Variants in RORA observed in about 807,000 individuals in gnomAD.
RORA encodes nuclear receptor ROR-alpha.
RORA carries 7 observed loss-of-function variants against 69.5 expected under a neutral mutation model. The ratio of observed to expected loss-of-function variants is 0.10; its 90% CI spans 0.06 to 0.19. The LOEUF (loss-of-function observed/expected upper bound fraction) is 0.19. Ranked by LOEUF, RORA falls within the 10% of genes least tolerant of loss-of-function variation. The pLI, the probability that RORA is intolerant of heterozygous loss-of-function variation, is 1.00. For missense variants in RORA, 457 were observed against 663.0 expected, an observed-to-expected ratio of 0.69 and a Z score of 3.41; for synonymous variants, 261 against 240.8, an observed-to-expected ratio of 1.08 and a Z score of -0.78.
At chr15:60,641,140 TG>T (rs1284415033) in intron 2 of RORA, among the ~76,000 whole-genome samples, 1 of 152,070 alleles carries the variant, frequency 6.6e-6, no homozygotes, top group African/African-American at 2.4e-5. Flanking sequence ...TTTGTAGAGA[TG>T]GGGTCTCGCC....
At chr15:60,600,678 C>T (rs891984039) in intron 2 of RORA, among the ~76,000 whole-genome samples, 2 of 152,068 alleles carry the variant, frequency 1.3e-5, no homozygotes, top group Admixed American at 6.6e-5. Flanking sequence ...AAATCTCTTC[C>T]TACATTTTGT....
chr15:60,691,616 G>A (rs904831450), intron 1 of RORA, among the ~76,000 whole-genome samples: 1 of 152,206 alleles, frequency 6.6e-6, no homozygotes, highest in Non-Finnish European at 1.5e-5. Context: ...AGAGAGGTTT[G>A]CACAGCTGAA....
At chr15:61,094,414 T>C (rs2078759248) in intron 1 of RORA, among the ~76,000 whole-genome samples, 1 of 152,132 alleles carries the variant, frequency 6.6e-6, no homozygotes, top group Non-Finnish European at 1.5e-5. Context: ...AGGTAGTAGG[T>C]ATCTCAGCTG....
At chr15:61,022,427 G>T (rs1266681134) in intron 1 of RORA, among the ~76,000 whole-genome samples, 1 of 152,148 alleles carries the variant, frequency 6.6e-6, no homozygotes, top group African/African-American at 2.4e-5. Flanking sequence ...TGTGTGTGTG[G>T]CTGCTGGGCT....
chr15:61,139,958 C>T (rs1319054895), intron 1 of RORA, among the ~76,000 whole-genome samples: 1 of 151,752 alleles, frequency 6.6e-6, no homozygotes, highest in East Asian at 1.9e-4. Context: ...TCCTCTCACA[C>T]CAGAAAAGTT....
chr15:60,772,407 C>CAT (rs34846010), intron 1 of RORA, among the ~76,000 whole-genome samples: 90,745 of 151,878 alleles, frequency 0.6, 27,536 homozygotes, highest in South Asian at 0.69. Context: ...AAAACTACCT[C>CAT]GTGATTGCCT....
At chr15:61,101,872 G>C (rs2078885298) in intron 1 of RORA, among the ~76,000 whole-genome samples, 1 of 152,206 alleles carries the variant, frequency 6.6e-6, no homozygotes, top group South Asian at 2.1e-4. Context: ...ATGAATGCTG[G>C]AAGTAATTCT....
At chr15:60,906,627 G>C (rs754064324) in intron 1 of RORA, among the ~76,000 whole-genome samples, 3 of 152,140 alleles carry the variant, frequency 2.0e-5, no homozygotes, top group Non-Finnish European at 4.4e-5. Context: ...TAGCCAGACT[G>C]TATCAGAGGC....
At chr15:60,776,706 G>C (rs189905538) in intron 1 of RORA, among the ~76,000 whole-genome samples, 41 of 152,252 alleles carry the variant, frequency 2.7e-4, no homozygotes, top group Non-Finnish European at 4.4e-4. Context: ...TTAGGGGAGT[G>C]GAGTTCTTGT....
chr15:60,627,514 C>A, intron 2 of RORA: 1 of 1,480,244 alleles, frequency 6.8e-7, no homozygotes, highest in South Asian at 1.4e-5. Flanking sequence ...GGATAATGCT[C>A]AGAGGCCCTG....
chr15:61,212,296 G>T (rs1033235839), intron 1 of RORA, among the ~76,000 whole-genome samples: 4 of 152,072 alleles, frequency 2.6e-5, no homozygotes, highest in Admixed American at 1.3e-4. Context: ...CATCAGTTAG[G>T]CATGTTGGGA....
At chr15:61,079,648 A>G (rs571060925) in intron 1 of RORA, among the ~76,000 whole-genome samples, 1 of 152,200 alleles carries the variant, frequency 6.6e-6, no homozygotes, top group Non-Finnish European at 1.5e-5. Flanking sequence ...GGATGGAAAA[A>G]AAGGACAGAG....
intron 1 of RORA, among the ~76,000 whole-genome samples, chr15:61,142,564 A>C (rs951034870): frequency 7.2e-5 from 11 of 152,232 alleles, no homozygotes; most frequent in African/African-American, 2.7e-4. Context: ...CAGAAAGAAA[A>C]GTCAGATCAC....
At chr15:60,836,124 T>C (rs2073111413) in intron 1 of RORA, among the ~76,000 whole-genome samples, 3 of 152,226 alleles carry the variant, frequency 2.0e-5, no homozygotes, top group African/African-American at 4.8e-5. Flanking sequence ...TTGAAATAGA[T>C]GGCATTTAGC....
intron 1 of RORA, among the ~76,000 whole-genome samples, chr15:60,743,290 C>T (rs1567175693): frequency 6.6e-6 from 1 of 152,192 alleles, no homozygotes; most frequent in Admixed American, 6.5e-5. Context: ...GCTGGGATTA[C>T]AGGCGTGAGC....
chr15:61,113,742 A>C (rs1487148918), intron 1 of RORA, among the ~76,000 whole-genome samples: 1 of 152,098 alleles, frequency 6.6e-6, no homozygotes, highest in Non-Finnish European at 1.5e-5. Flanking sequence ...TTTTCTTGAG[A>C]TTACTGCTCA....
intron 1 of RORA, among the ~76,000 whole-genome samples, chr15:60,977,104 C>T (rs6494238): frequency 0.26 from 34,319 of 130,632 alleles, 4,083 homozygotes; most frequent in African/African-American, 0.32. Flanking sequence ...TGTTTCAAAA[C>T]TGATTGGAGG....
chr15:60,645,802 T>G (rs886342142), intron 2 of RORA, among the ~76,000 whole-genome samples: 5 of 142,530 alleles, frequency 3.5e-5, no homozygotes, highest in South Asian at 2.2e-4. Context: ...ATAGGGTTTT[T>G]TTTTTTTTTT....
rs369795973 is a variant in RORA, at chr15:60,542,342, CACAT to C, written c.197-10495_197-10492del. 2.7e-4 allele frequency among the ~76,000 whole-genome samples: 41 copies of C among 150,748 alleles called. No individual in the cohort carries two copies. In the East Asian group the frequency reaches 7.6e-3, roughly 28 times the overall value. On this transcript the variant is annotated intron_variant, in intron 2 of 10. Coordinates refer to ENST00000335670, the MANE Select transcript of RORA (RefSeq NM_134261.3). ...GGCACACACACACCACACATACACA[CACAT>C]ACCACACATGCACACCGTATGCTCA...
Sources: allele counts gnomAD v4.1 joint callset (sites outside exome capture counted in the v4.1 genomes callset), GRCh38; gene constraint gnomAD v4.1.1; transcripts MANE v1.5; gene names NCBI Gene and HGNC (gene_info 2026-07-23, HGNC 2026-07-21).